The following PAPPA variants were observed in gnomAD, a reference collection of about 807,000 sequenced individuals.
PAPPA encodes pappalysin 1.
In PAPPA, 60 loss-of-function variants were observed where a neutral mutation model predicts 164.0. That is an observed-to-expected ratio of 0.37 (90% CI 0.30 to 0.45). The LOEUF (loss-of-function observed/expected upper bound fraction) is 0.45, where lower values mean the gene tolerates loss of function less well. Among genes scored for constraint, PAPPA ranks in the 20% least tolerant of loss-of-function variants. PAPPA has a pLI of 1.00. For missense variants in PAPPA, 1,782 were observed against 2,087.3 expected (o/e 0.85, Z 2.85); for synonymous variants, 875 against 814.1 (o/e 1.07, Z -1.27).
At chr9:116,280,584 GC>G (rs1175981045) in intron 9 of PAPPA, among the ~76,000 whole-genome samples, 1 of 152,190 alleles carries the variant, frequency 6.6e-6, no homozygotes, top group Non-Finnish European at 1.5e-5. Context: ...GATTTCTCAG[GC>G]CCTTGAGGAC....
chr9:116,335,110 TGTAGCCGAGTGGAGAC>T, intron 13 of PAPPA, 36 bp downstream of exon 13: 1 of 1,520,348 alleles, frequency 6.6e-7, no homozygotes, highest in Non-Finnish European at 9.1e-7. Context: ...CTAGGCCACT[TGTAGCCGAGTGGAGAC>T]AGTGTGATTT....
intron 4 of PAPPA, among the ~76,000 whole-genome samples, chr9:116,217,213 A>C (rs1483622902): frequency 6.6e-6 from 1 of 152,244 alleles, no homozygotes; most frequent in Non-Finnish European, 1.5e-5. Flanking sequence ...ATGTTTATAC[A>C]GGAAAAAACC....
intron 4 of PAPPA, among the ~76,000 whole-genome samples, chr9:116,216,954 G>A (rs922297681): frequency 2.6e-5 from 4 of 151,820 alleles, no homozygotes; most frequent in African/African-American, 4.8e-5. Flanking sequence ...GTTGGTCAGG[G>A]TGGTCTCGAA....
Position 116,400,322 on chromosome 9 carries a change from G to C in PAPPA, c.*3706G>C, listed in dbSNP as rs1847032138. The C allele has an allele frequency of 6.6e-6, 1 of 152,186 alleles. No individual in the cohort carries two copies. The highest frequency in any genetic ancestry group is 2.1e-4 in the South Asian group (1 of 4,832). 9.4% of individuals were successfully genotyped at this position (152,186 alleles called of 1,614,324 possible). A position where few individuals can be genotyped will look rare whatever the true frequency, so the allele number is the denominator to read the frequency against. On this transcript the variant is annotated 3_prime_UTR_variant, in exon 22 of 22. Coordinates refer to ENST00000328252, the MANE Select transcript of PAPPA (RefSeq NM_002581.5). ...CCCTAGAAGACATAGAGTGGGATTT[G>C]ATAACACTGTCTGTTATTTTCTGTA... is the stretch of plus-strand genomic sequence containing the variant.
At chr9:116,395,168 T>C (rs1846946462) in intron 21 of PAPPA, among the ~76,000 whole-genome samples, 2 of 152,186 alleles carry the variant, frequency 1.3e-5, no homozygotes, top group African/African-American at 2.4e-5. Flanking sequence ...AGAGAAATTG[T>C]CACATGTTCA....
intron 17 of PAPPA, among the ~76,000 whole-genome samples, chr9:116,360,804 G>A (rs1464884749): frequency 6.6e-6 from 1 of 152,166 alleles, no homozygotes; most frequent in Non-Finnish European, 1.5e-5. Context: ...GGAAAACCCT[G>A]AGGATACAAG....
Position 116,352,781 on chromosome 9 carries a change from T to A in PAPPA, c.4040T>A (p.Leu1347His). 6.2e-7 allele frequency: 1 copy of A among 1,613,954 alleles called. No individual in the cohort carries two copies. Among genetic ancestry groups the A allele is most frequent in the Non-Finnish European group, 8.5e-7 (1 of 1,179,994 alleles). The change falls in exon 16 of 22, where the codon CTC becomes CAC. Residue 1347 changes from leucine (L) to histidine (H), a missense_variant. Physicochemically the swap from Leu to His is moderately conservative, Grantham distance 99. Around this residue, in one of 2 missense-constraint regions of PAPPA, gnomAD observed 1,324 missense variants for 1,656.9 expected, o/e 0.80. Coordinates refer to ENST00000328252, the MANE Select transcript of PAPPA (RefSeq NM_002581.5). ...GAGGCCCTGTGTGAGCTCATGTGCC[T>A]CGCTCCACCCCCTGTGCCCAATGCA... Reference protein sequence around the residue: ...FPEALCELMCLAPPPVPNADL... With the variant: ...FPEALCELMCHAPPPVPNADL...
intron 9 of PAPPA, among the ~76,000 whole-genome samples, chr9:116,300,233 C>T (rs181549059): frequency 1.5e-4 from 22 of 151,390 alleles, no homozygotes; most frequent in African/African-American, 5.3e-4. Flanking sequence ...TTTGCTCATT[C>T]TTTCTTTCTT....
chr9:116,395,308 G>T (rs1487809881), intron 21 of PAPPA, among the ~76,000 whole-genome samples: 1 of 151,766 alleles, frequency 6.6e-6, no homozygotes, highest in Non-Finnish European at 1.5e-5. Flanking sequence ...AGAGGTCAAA[G>T]AGGCAGAGAA....
intron 1 of PAPPA, among the ~76,000 whole-genome samples, chr9:116,179,171 G>T (rs3789274): frequency 0.012 from 1,765 of 152,226 alleles, 37 homozygotes; most frequent in East Asian, 0.11. Flanking sequence ...GAAAACTAAG[G>T]TTCAGAGAGG....
chr9:116,163,832 G>A (rs11790784), intron 1 of PAPPA, among the ~76,000 whole-genome samples: 13,433 of 152,108 alleles, frequency 0.088, 1,030 homozygotes, highest in Non-Finnish European at 0.12. Flanking sequence ...TCCATTGGTG[G>A]ATACTCTTTT....
chr9:116,335,126 CAG>C (rs1362462822), intron 13 of PAPPA, 52 bp downstream of exon 13: 14 of 1,451,722 alleles, frequency 9.6e-6, no homozygotes, highest in Non-Finnish European at 1.2e-5. Flanking sequence ...CGAGTGGAGA[CAG>C]TGTGATTTTG....
chr9:116,335,415 A>G (rs139722239), intron 13 of PAPPA, among the ~76,000 whole-genome samples: 2 of 152,206 alleles, frequency 1.3e-5, no homozygotes, highest in African/African-American at 2.4e-5. Context: ...GCTCTCTTTT[A>G]TCTCTGAAAT....
At chr9:116,288,659 A>T (rs2118859135) in intron 9 of PAPPA, 1 of 152,278 alleles carries the variant, frequency 6.6e-6, no homozygotes, top group South Asian at 2.1e-4. Flanking sequence ...TCATTACATA[A>T]GAAAAAGAAA....
At chr9:116,205,145 G>C (rs1844217474) in intron 2 of PAPPA, among the ~76,000 whole-genome samples, 1 of 151,344 alleles carries the variant, frequency 6.6e-6, no homozygotes, top group Non-Finnish European at 1.5e-5. Context: ...TTGCTGCTGT[G>C]GAGTCTTCCC....
intron 10 of PAPPA, among the ~76,000 whole-genome samples, chr9:116,308,787 C>T (rs1050940744): frequency 2.0e-5 from 3 of 152,354 alleles, no homozygotes; most frequent in Non-Finnish European, 4.4e-5. Flanking sequence ...TTTTGGCCCC[C>T]ATTCTTTCAC....
rs759890564 is a variant in PAPPA, at chr9:116,321,859, A to T, written c.3148-9385A>T. ...TTGAAGCTCATACATGGAGATTCAG[A>T]TGGACAAACAAGAAACCATAATGCA... On this transcript the variant is annotated intron_variant, in intron 10 of 21. Transcript: ENST00000328252. 5.3e-5 allele frequency among the ~76,000 whole-genome samples: 8 copies of T among 152,342 alleles called. No homozygotes were observed. The South Asian group carries it at 1.0e-3, about 20-fold the overall frequency.
At chr9:116,219,517 G>GTGAA (rs761969850) in intron 4 of PAPPA, among the ~76,000 whole-genome samples, 14 of 152,258 alleles carry the variant, frequency 9.2e-5, no homozygotes, top group Non-Finnish European at 1.6e-4. Flanking sequence ...GGATAAACAA[G>GTGAA]TGAATGAATG....
chr9:116,363,646 A>G (rs890597736), intron 18 of PAPPA, among the ~76,000 whole-genome samples: 2 of 152,160 alleles, frequency 1.3e-5, no homozygotes, highest in African/African-American at 4.8e-5. Flanking sequence ...TAGGGAACTG[A>G]ACATCCTTTC....
Sources: allele counts gnomAD v4.1 joint callset (sites outside exome capture counted in the v4.1 genomes callset), GRCh38; gene constraint gnomAD v4.1.1; regional missense constraint gnomAD v4.1.1; transcripts MANE v1.5; gene names NCBI Gene and HGNC (gene_info 2026-07-23, HGNC 2026-07-21).